Variants in GLCCI1 observed in about 807,000 individuals in gnomAD.
GLCCI1 encodes the protein glucocorticoid induced 1.
GLCCI1 carries 24 observed loss-of-function variants against 52.2 expected under a neutral mutation model. That is an observed-to-expected ratio of 0.46 (90% CI 0.33 to 0.65). The LOEUF is 0.65. GLCCI1 is among the 30% of genes least tolerant of loss of function. The pLI, the probability that GLCCI1 is intolerant of heterozygous loss-of-function variation, is 0.02. For synonymous variants in GLCCI1, 310 were observed against 276.5 expected (o/e 1.12, Z -1.20); for missense variants, 704 against 701.5 (o/e 1.00, Z -0.04).
chr7:8,074,969 G>A (rs1782846001), intron 6 of GLCCI1, among the ~76,000 whole-genome samples: 1 of 152,138 alleles, frequency 6.6e-6, no homozygotes, highest in African/African-American at 2.4e-5. Flanking sequence ...AGGGATAGCT[G>A]CAGTGAATAG....
intron 1 of GLCCI1, among the ~76,000 whole-genome samples, chr7:7,985,328 G>A (rs1192690598): frequency 6.6e-6 from 1 of 152,086 alleles, no homozygotes; most frequent in Non-Finnish European, 1.5e-5. Context: ...TCCTTTTTCA[G>A]CAATCACTGG....
intron 3 of GLCCI1, among the ~76,000 whole-genome samples, chr7:8,028,005 T>C (rs1781659685): frequency 6.6e-6 from 1 of 152,194 alleles, no homozygotes; most frequent in Non-Finnish European, 1.5e-5. Context: ...CCCAATACAA[T>C]AATAGCTGGA....
chr7:8,020,636 G>A (rs1157307089), intron 2 of GLCCI1, among the ~76,000 whole-genome samples: 2 of 152,186 alleles, frequency 1.3e-5, no homozygotes, highest in Non-Finnish European at 2.9e-5. Flanking sequence ...TGTACAAAAT[G>A]AATGTAATTC....
intron 6 of GLCCI1, among the ~76,000 whole-genome samples, chr7:8,082,602 A>T (rs945878595): frequency 6.6e-6 from 1 of 152,070 alleles, no homozygotes; most frequent in Non-Finnish European, 1.5e-5. Flanking sequence ...ATATTCAATT[A>T]AAAAAAATTT....
At chr7:8,007,361 A>C (rs1781174450) in intron 2 of GLCCI1, among the ~76,000 whole-genome samples, 1 of 152,176 alleles carries the variant, frequency 6.6e-6, no homozygotes, top group African/African-American at 2.4e-5. Flanking sequence ...TCGTTATGTA[A>C]TATGTACGTA....
rs1301271307 is a variant in GLCCI1 at position 8,071,000 on chromosome 7, A to G, written c.1046A>G (p.Gln349Arg). ...RSSSTRSIDT[Q>R]TPSVQERSSS... ...AGTAGTACTCGCAGCATTGACACTC[A>G]GACTCCTTCTGTCCAGGAGCGCAGC... Residue 349 changes from glutamine to arginine, a missense_variant, in exon 6 of 8, where the codon CAG (glutamine) becomes CGG (arginine). By Grantham distance (43) the Gln-to-Arg change is conservative. Transcript: ENST00000223145. The G allele has an allele frequency of 6.2e-7, 1 of 1,614,150 alleles. No homozygotes were observed. The highest frequency in any genetic ancestry group is 1.1e-5 in the South Asian group (1 of 91,076).
chr7:8,043,038 C>T (rs1368714595), intron 3 of GLCCI1, among the ~76,000 whole-genome samples: 1 of 152,194 alleles, frequency 6.6e-6, no homozygotes, highest in African/African-American at 2.4e-5. Flanking sequence ...CAGCTAACAT[C>T]TACGAGACAA....
At chr7:8,021,448 C>T (rs1057403563) in intron 2 of GLCCI1, among the ~76,000 whole-genome samples, 12 of 151,936 alleles carry the variant, frequency 7.9e-5, no homozygotes, top group Middle Eastern at 3.2e-3. Flanking sequence ...GTTTCACTCT[C>T]GTCGCCCAGG....
chr7:8,028,640 G>A (rs1268766099), intron 3 of GLCCI1, among the ~76,000 whole-genome samples: 5 of 151,946 alleles, frequency 3.3e-5, no homozygotes. Context: ...GATTTGAAAT[G>A]AAGACAACAC....
At chr7:8,078,847 A>G (rs1470693692) in intron 6 of GLCCI1, 1 of 152,178 alleles carries the variant, frequency 6.6e-6, no homozygotes, top group African/African-American at 2.4e-5. Context: ...GGTAGTAAAT[A>G]TTGGAGATGG....
chr7:8,051,434 C>T (rs1782256234), intron 3 of GLCCI1, among the ~76,000 whole-genome samples: 1 of 152,222 alleles, frequency 6.6e-6, no homozygotes, highest in Admixed American at 6.5e-5. Context: ...GCATGTCATT[C>T]ATTTCTGCAT....
At chr7:7,996,618 G>C (rs925546164) in intron 1 of GLCCI1, among the ~76,000 whole-genome samples, 1 of 152,116 alleles carries the variant, frequency 6.6e-6, no homozygotes, top group African/African-American at 2.4e-5. Context: ...TAAGTTTATT[G>C]GGTGAGCTGT....
chr7:7,984,125 A>G (rs970588806), intron 1 of GLCCI1, among the ~76,000 whole-genome samples: 10 of 152,168 alleles, frequency 6.6e-5, no homozygotes, highest in African/African-American at 1.2e-4. Flanking sequence ...CAGTGGCGCA[A>G]TCATGGCTCA....
rs1380826845 is a variant in GLCCI1, at chr7:8,055,438, C to G, written c.702C>G (p.Ile234Met). 3 of 1,610,148 alleles carry G rather than the reference C, an allele frequency of 1.9e-6. No individual in the cohort carries two copies. Among genetic ancestry groups the G allele is most frequent in the Admixed American group, 3.3e-5 (2 of 59,962 alleles). ...CTCTTTCCCTGTCCCCAAAGCAGATCGCCAAACTGAGGCAGCAACTACAAC... is the reference window on the plus strand; with the variant it reads ...CTCTTTCCCTGTCCCCAAAGCAGATGGCCAAACTGAGGCAGCAACTACAAC... ...WGSADQLKEQ[I>M]AKLRQQLQRS... Residue 234 changes from isoleucine (I) to methionine (M), a missense_variant, in exon 4 of 8, where the codon ATC becomes ATG. Coordinates refer to ENST00000223145, the MANE Select transcript of GLCCI1 (RefSeq NM_138426.4).
chr7:8,000,717 G>A (rs1234931570), intron 1 of GLCCI1, among the ~76,000 whole-genome samples: 1 of 2,908 alleles, frequency 3.4e-4, no homozygotes, highest in East Asian at 8.9e-3. Flanking sequence ...TAATTAATGG[G>A]ACAAATTATA....
chr7:8,017,675 A>C (rs1225044255), intron 2 of GLCCI1, among the ~76,000 whole-genome samples: 1 of 152,148 alleles, frequency 6.6e-6, no homozygotes, highest in Admixed American at 6.5e-5. Context: ...GCTATTGCTG[A>C]ATTCCTAAAG....
intron 3 of GLCCI1, among the ~76,000 whole-genome samples, chr7:8,032,869 A>C (rs1316807032): frequency 6.6e-6 from 1 of 152,034 alleles, no homozygotes; most frequent in Non-Finnish European, 1.5e-5. Flanking sequence ...TCTTCTAAAA[A>C]ATAGAAAAGG....
intron 1 of GLCCI1, among the ~76,000 whole-genome samples, chr7:7,977,032 A>G (rs1200383420): frequency 1.3e-5 from 2 of 152,156 alleles, no homozygotes; most frequent in Non-Finnish European, 2.9e-5. Flanking sequence ...TCAAATACTT[A>G]TTAACTACTG....
intron 3 of GLCCI1, among the ~76,000 whole-genome samples, chr7:8,038,768 G>A (rs1179559186): frequency 2.6e-5 from 4 of 152,064 alleles, no homozygotes; most frequent in African/African-American, 9.7e-5. Context: ...GCACATGGGA[G>A]TTAATTAAAC....
Sources: gnomAD v4.1 joint callset for allele counts (sites outside exome capture counted in the v4.1 genomes callset) on GRCh38, gnomAD v4.1.1 for gene constraint, MANE v1.5 for transcripts, NCBI Gene and HGNC (gene_info 2026-07-23, HGNC 2026-07-21) for gene names.